The following IMPG2 variants were observed in gnomAD, a reference collection of about 807,000 sequenced individuals.
IMPG2 encodes the protein interphotoreceptor matrix proteoglycan 2.
A neutral mutation model predicts 129.2 loss-of-function variants in IMPG2; 91 were observed. The observed-to-expected ratio is 0.70, with a 90% CI of 0.59 to 0.84. The LOEUF is 0.84. Among genes scored for constraint, IMPG2 ranks in the 40% least tolerant of loss-of-function variants. The pLI, the probability that IMPG2 is intolerant of heterozygous loss-of-function variation, is 0.00. For synonymous variants in IMPG2, 510 were observed against 517.7 expected (o/e 0.99, Z 0.20); for missense variants, 1,430 against 1,461.7 (o/e 0.98, Z 0.35).
intron 3 of IMPG2, among the ~76,000 whole-genome samples, chr3:101,296,522 T>C (rs1707081511): frequency 6.6e-6 from 1 of 152,178 alleles, no homozygotes; most frequent in African/African-American, 2.4e-5. Flanking sequence ...GGCCTAAAGT[T>C]TTCTTTTTTT....
chr3:101,231,569 G>A (rs1706288118), intron 15 of IMPG2, among the ~76,000 whole-genome samples: 1 of 152,264 alleles, frequency 6.6e-6, no homozygotes, highest in South Asian at 2.1e-4. Context: ...AAACCCTAAG[G>A]CCACAGGGAA....
At chr3:101,264,328 T>C (rs539397621) in intron 9 of IMPG2, among the ~76,000 whole-genome samples, 2 of 151,970 alleles carry the variant, frequency 1.3e-5, no homozygotes, top group African/African-American at 4.8e-5. Flanking sequence ...TCAAATCCAA[T>C]AGCCCCTCAA....
At position 101,257,576 on chromosome 3, in the gene IMPG2, C is replaced by T. The variant is rs1706624243; in HGVS notation, c.1106G>A (p.Gly369Glu). 2 of 1,613,158 alleles carry T rather than the reference C, an allele frequency of 1.2e-6. No individual in the cohort carries two copies. The highest frequency in any genetic ancestry group is 1.7e-6 in the Non-Finnish European group (2 of 1,179,508). The change falls in exon 10 of 19, where the codon GGG (glycine) becomes GAG (glutamate). Residue 369 changes from glycine (G) to glutamate (E), a missense_variant. Coordinates refer to ENST00000193391, the MANE Select transcript of IMPG2 (RefSeq NM_016247.4). The stretch of plus-strand genomic sequence containing the variant: ...AGGATCTGGATTCAAGGAAGAGTTC[C>T]CCAGCAAAAAATTCTGCTGCAATGT... Reference protein sequence around the residue: ...AETLQQNFLLGNSSLNPDPDS... With the variant: ...AETLQQNFLLENSSLNPDPDS...
In IMPG2 at chr3:101,226,640, G is replaced by C; in HGVS notation, c.*329C>G. 3.4e-6 allele frequency: 1 copy of C among 292,582 alleles called. No homozygotes were observed. Among genetic ancestry groups the C allele is most frequent in the South Asian group, 6.8e-5 (1 of 14,756 alleles). 18.1% of individuals were successfully genotyped at this position (292,582 alleles called of 1,614,324 possible). ...GAAAAACCCGAGGCACAGTTCTTAG[G>C]AGACACCCCCAGTGATTCAGAAGCA... On this transcript the variant is annotated 3_prime_UTR_variant, in exon 19 of 19. Coordinates refer to ENST00000193391, the MANE Select transcript of IMPG2 (RefSeq NM_016247.4).
intron 11 of IMPG2, among the ~76,000 whole-genome samples, chr3:101,248,733 A>T (rs1300318595): frequency 2.0e-5 from 3 of 152,236 alleles, no homozygotes; most frequent in African/African-American, 4.8e-5. Context: ...ACTCTGTCTA[A>T]CAATCTTATT....
At chr3:101,298,785 C>T (rs944690379) in intron 3 of IMPG2, among the ~76,000 whole-genome samples, 1 of 152,142 alleles carries the variant, frequency 6.6e-6, no homozygotes, top group Non-Finnish European at 1.5e-5. Context: ...TCTGATGTTC[C>T]TCCCCTCTGT....
At chr3:101,236,446 C>T (rs1240570501) in intron 14 of IMPG2, among the ~76,000 whole-genome samples, 2 of 152,018 alleles carry the variant, frequency 1.3e-5, no homozygotes, top group African/African-American at 4.8e-5. Flanking sequence ...GTCTGCAGCT[C>T]CCAGCGAGAT....
chr3:101,285,451 C>T (rs1309145252), intron 4 of IMPG2, among the ~76,000 whole-genome samples: 1 of 152,162 alleles, frequency 6.6e-6, no homozygotes, highest in Non-Finnish European at 1.5e-5. Context: ...GCCTGAGAAA[C>T]AGGTATTTTT....
chr3:101,280,522 G>C (rs1020026598), intron 4 of IMPG2, among the ~76,000 whole-genome samples: 6 of 152,008 alleles, frequency 3.9e-5, no homozygotes, highest in Non-Finnish European at 8.8e-5. Context: ...AGAAGGTGTT[G>C]ACAAAAATTA....
At chr3:101,286,503 A>G (rs759671340) in intron 4 of IMPG2, among the ~76,000 whole-genome samples, 1 of 152,172 alleles carries the variant, frequency 6.6e-6, no homozygotes, top group Non-Finnish European at 1.5e-5. Flanking sequence ...AAGATAATGA[A>G]GAAAAAGTCT....
chr3:101,315,427 C>T (rs1197957396), intron 2 of IMPG2, among the ~76,000 whole-genome samples: 3 of 152,102 alleles, frequency 2.0e-5, no homozygotes, highest in African/African-American at 4.8e-5. Context: ...AGACTGTCCA[C>T]GTGGGTGCCT....
chr3:101,243,814 C>T lies in IMPG2; in HGVS notation c.2517G>A (p.Ser839=), dbSNP rs765258879. The change falls in exon 13 of 19, where the codon TCG becomes TCA. Residue 839 remains serine, a synonymous_variant. Coordinates refer to ENST00000193391, the MANE Select transcript of IMPG2 (RefSeq NM_016247.4). ...CTGTGCCTATCCGGTCCAGTTCTAA[C>T]GAAATATCCTGTACACCCATAATTA... ...DEVIMGVQDI[S]LELDRIGTDY... 23 of 1,614,024 alleles carry T rather than the reference C, an allele frequency of 1.4e-5. No individual in the cohort carries two copies. Among genetic ancestry groups the T allele is most frequent in the East Asian group, 8.9e-5 (4 of 44,892 alleles).
chr3:101,300,469 T>A lies in IMPG2; in HGVS notation c.501+3677A>T, dbSNP rs186500939. ...CAGGCTTAAGCAGATTCTAGCTTAG[T>A]GGCTGTTGAAAATCTGCTTGGTTCT... On this transcript the variant is annotated intron_variant, in intron 3 of 18. Coordinates refer to ENST00000193391, the MANE Select transcript of IMPG2 (RefSeq NM_016247.4). Among the ~76,000 whole-genome samples the A allele has an allele frequency of 1.2e-3, 185 of 152,364 alleles. 1 individual carries two copies. The highest frequency in any genetic ancestry group is 4.3e-3 in the African/African-American group (177 of 41,588).
chr3:101,256,543 C>T (rs1397474351), intron 10 of IMPG2, among the ~76,000 whole-genome samples: 1 of 152,000 alleles, frequency 6.6e-6, no homozygotes, highest in Non-Finnish European at 1.5e-5. Flanking sequence ...TATGTAAATC[C>T]AACAAGCCTC....
Position 101,242,912 on chromosome 3 carries a change from A to G in IMPG2, c.2803-5T>C, listed in dbSNP as rs776134140. The G allele has an allele frequency of 9.9e-6, 16 of 1,610,934 alleles. No individual in the cohort carries two copies. The East Asian group carries it at 3.3e-4, about 34-fold the overall frequency. ...TGACTGGAGATAGGGAACCAGCTAC[A>G]ATATACAAAAGTGGTAAGTTTATTG... On this transcript the variant is annotated splice_polypyrimidine_tract_variant and splice_region_variant and intron_variant, in intron 13 of 18. Coordinates refer to ENST00000193391, the MANE Select transcript of IMPG2 (RefSeq NM_016247.4).
intron 14 of IMPG2, among the ~76,000 whole-genome samples, chr3:101,233,991 A>T (rs767891062): frequency 2.0e-5 from 3 of 151,872 alleles, no homozygotes; most frequent in Non-Finnish European, 4.4e-5. Context: ...AATTTTGCAC[A>T]AGTCTGTGCC....
chr3:101,300,511 G>A (rs961983602), intron 3 of IMPG2, among the ~76,000 whole-genome samples: 2 of 152,220 alleles, frequency 1.3e-5, no homozygotes, highest in African/African-American at 4.8e-5. Flanking sequence ...GGGACCCTAG[G>A]CCCCGGAGGT....
At chr3:101,306,353 C>T (rs1447960141) in intron 2 of IMPG2, among the ~76,000 whole-genome samples, 1 of 152,124 alleles carries the variant, frequency 6.6e-6, no homozygotes, top group Non-Finnish European at 1.5e-5. Context: ...GTTTCTCTAT[C>T]AATTGGGTTT....
In IMPG2 at chr3:101,277,550, T is replaced by C. The variant is rs183812334; in HGVS notation, c.534-837A>G. ...AAGGAACATAAAACCACACACCTGA[T>C]CTCATCTGAGAGATCATTGAAATCA... On this transcript the variant is annotated intron_variant, in intron 4 of 18. Coordinates refer to ENST00000193391, the MANE Select transcript of IMPG2 (RefSeq NM_016247.4). Among the ~76,000 whole-genome samples the C allele has an allele frequency of 9.5e-4, 145 of 152,280 alleles. 1 individual carries two copies. Among genetic ancestry groups the C allele is most frequent in the Non-Finnish European group, 1.6e-3 (112 of 68,016 alleles).
Sources: allele counts gnomAD v4.1 joint callset (sites outside exome capture counted in the v4.1 genomes callset), GRCh38; gene constraint gnomAD v4.1.1; transcripts MANE v1.5; gene names NCBI Gene and HGNC (gene_info 2026-07-23, HGNC 2026-07-21).